Variants in NRCAM observed in about 807,000 individuals in gnomAD.
NRCAM encodes neuronal cell adhesion molecule.
A neutral mutation model predicts 156.5 loss-of-function variants in NRCAM; 83 were observed. The observed-to-expected ratio is 0.53, with a 90% CI of 0.44 to 0.64. The LOEUF (loss-of-function observed/expected upper bound fraction) is 0.64, where lower values mean the gene tolerates loss of function less well. Among genes scored for constraint, NRCAM ranks in the 30% least tolerant of loss-of-function variants. NRCAM has a pLI of 0.00. For synonymous variants in NRCAM, 538 were observed against 563.9 expected (o/e 0.95, Z 0.65); for missense variants, 1,417 against 1,597.3 (o/e 0.89, Z 1.92).
At chr7:108,165,426 T>C (rs1219675543) in intron 30 of NRCAM, among the ~76,000 whole-genome samples, 3 of 152,186 alleles carry the variant, frequency 2.0e-5, no homozygotes, top group Non-Finnish European at 4.4e-5. Context: ...TCCTGCTGTA[T>C]AGGAGAGCTG....
chr7:108,189,418 T>A, intron 20 of NRCAM, among the ~76,000 whole-genome samples: 1 of 152,200 alleles, frequency 6.6e-6, no homozygotes, highest in East Asian at 1.9e-4. Flanking sequence ...GTGTATTTGA[T>A]TAGTCAACAT....
intron 8 of NRCAM, among the ~76,000 whole-genome samples, chr7:108,229,037 A>G (rs1324375234): frequency 9.2e-5 from 14 of 152,224 alleles, no homozygotes; most frequent in Admixed American, 9.2e-4. Flanking sequence ...TTAGTAATGT[A>G]TATGTCTTGT....
In NRCAM at chr7:108,225,497, C is replaced by G. The variant is rs1006659051; in HGVS notation, c.778+148G>C. ...TGCTTCAAAGTTTATAGGTAAATTT[C>G]ATAAGAAACATACATTTATACTAGT... On this transcript the variant is annotated intron_variant, in intron 10 of 32. Coordinates refer to ENST00000379028, the MANE Select transcript of NRCAM (RefSeq NM_001037132.4). The G allele has an allele frequency of 4.5e-6, 3 of 670,910 alleles. No homozygotes were observed. In the Admixed American group the frequency reaches 6.8e-5, roughly 15 times the overall value. 41.6% of individuals were successfully genotyped at this position (670,910 alleles called of 1,614,324 possible).
At chr7:108,213,685 T>C (rs536019873) in intron 11 of NRCAM, among the ~76,000 whole-genome samples, 2 of 152,358 alleles carry the variant, frequency 1.3e-5, no homozygotes, top group East Asian at 1.9e-4. Context: ...GGACATTATA[T>C]AATGGTAAAA....
intron 3 of NRCAM, among the ~76,000 whole-genome samples, chr7:108,246,473 G>A (rs764342159): frequency 6.6e-6 from 1 of 152,120 alleles, no homozygotes; most frequent in Non-Finnish European, 1.5e-5. Flanking sequence ...AGGAACAAAA[G>A]CCAAAGGTCA....
chr7:108,406,958 T>A (rs1245313354), intron 1 of NRCAM, among the ~76,000 whole-genome samples: 1 of 152,202 alleles, frequency 6.6e-6, no homozygotes, highest in Non-Finnish European at 1.5e-5. Context: ...CATTTTTAGG[T>A]GGGGAATTTC....
At chr7:108,187,114 T>G (rs1015479158) in intron 20 of NRCAM, among the ~76,000 whole-genome samples, 2 of 152,174 alleles carry the variant, frequency 1.3e-5, no homozygotes. Flanking sequence ...ACCATGGTCT[T>G]ACCCAGTCTG....
chr7:108,392,959 G>T lies in NRCAM; in HGVS notation c.-174+6477C>A, dbSNP rs547692725. Among the ~76,000 whole-genome samples, 12 of 152,246 alleles carry T rather than the reference G, an allele frequency of 7.9e-5. No individual in the cohort carries two copies. The South Asian group carries it at 1.2e-3, about 16-fold the overall frequency. On this transcript the variant is annotated intron_variant, in intron 2 of 32. Coordinates refer to ENST00000379028, the MANE Select transcript of NRCAM (RefSeq NM_001037132.4). ...CTCAGAGGGGTACCCAGCCGTGTGG[G>T]GTGTCAGTCTGCCCCTACTTGGGGG... is the stretch of plus-strand genomic sequence containing the variant.
rs757035974 is a variant in NRCAM at position 108,240,033 on chromosome 7, C to T, written c.32G>A (p.Arg11His). Residue 11 changes from arginine to histidine, a missense_variant, in exon 4 of 33, where the codon CGC becomes CAC. By Grantham distance (29) the Arg-to-His change is conservative. Transcript: ENST00000379028. ...CAGGGGCACTCTGCCCGCAGATAAG[C>T]GCTTCTTTTTCGGCATTATTTTAAG... MQLKIMPKKK[R>H]LSAGRVPLIL... 10 of 1,613,114 alleles carry T rather than the reference C, an allele frequency of 6.2e-6. No homozygotes were observed. Among genetic ancestry groups the T allele is most frequent in the Middle Eastern group, 1.6e-4 (1 of 6,072 alleles).
intron 1 of NRCAM, among the ~76,000 whole-genome samples, chr7:108,422,390 G>A (rs1299425495): frequency 6.6e-6 from 1 of 151,894 alleles, no homozygotes; most frequent in Non-Finnish European, 1.5e-5. Context: ...AAAAAACAAT[G>A]CCAAAGAAAC....
chr7:108,209,314 GACATAACTTT>G, intron 12 of NRCAM, 97 bp downstream of exon 12: 1 of 749,482 alleles, frequency 1.3e-6, no homozygotes, highest in Non-Finnish European at 2.1e-6. Flanking sequence ...CATGAATGTT[GACATAACTTT>G]ACATTTACCA....
chr7:108,320,866 ACT>A (rs1360170438), intron 2 of NRCAM, among the ~76,000 whole-genome samples: 2 of 152,286 alleles, frequency 1.3e-5, no homozygotes, highest in South Asian at 2.1e-4. Context: ...AATAAGAAAA[ACT>A]CTATGCTTTG....
chr7:108,331,681 C>A (rs1303318831), intron 2 of NRCAM, among the ~76,000 whole-genome samples: 1 of 152,172 alleles, frequency 6.6e-6, no homozygotes, highest in Non-Finnish European at 1.5e-5. Flanking sequence ...ATAAAACAGA[C>A]ACCATCTATG....
intron 2 of NRCAM, among the ~76,000 whole-genome samples, chr7:108,365,030 T>C (rs2099583501): frequency 6.6e-6 from 1 of 152,188 alleles, no homozygotes; most frequent in African/African-American, 2.4e-5. Context: ...AGCCAGCCCC[T>C]ACATTACCCT....
At chr7:108,338,600 GA>G (rs1404906100) in intron 2 of NRCAM, among the ~76,000 whole-genome samples, 3 of 151,682 alleles carry the variant, frequency 2.0e-5, no homozygotes, top group Admixed American at 2.0e-4. Flanking sequence ...GAGACAGAGA[GA>G]GAGACAGAGA....
chr7:108,227,283 G>T (rs903384081), intron 8 of NRCAM, among the ~76,000 whole-genome samples: 2 of 152,204 alleles, frequency 1.3e-5, no homozygotes, highest in African/African-American at 4.8e-5. Flanking sequence ...CTTAGGTCCA[G>T]TTAAGGAACT....
intron 2 of NRCAM, among the ~76,000 whole-genome samples, chr7:108,362,969 A>G (rs2099569090): frequency 1.3e-5 from 2 of 152,270 alleles, no homozygotes; most frequent in Admixed American, 1.3e-4. Flanking sequence ...GGAAATGTGC[A>G]AGATGAGCCT....
At chr7:108,340,187 C>G (rs2099259720) in intron 2 of NRCAM, among the ~76,000 whole-genome samples, 1 of 152,260 alleles carries the variant, frequency 6.6e-6, no homozygotes, top group Admixed American at 6.5e-5. Context: ...CCCTTCAACC[C>G]AAATGGTCCA....
chr7:108,276,510 T>C (rs2097621589), intron 3 of NRCAM, among the ~76,000 whole-genome samples: 1 of 152,220 alleles, frequency 6.6e-6, no homozygotes, highest in Admixed American at 6.5e-5. Flanking sequence ...TCTCTTTTGA[T>C]CTTTGTTGTT....
Sources: gnomAD v4.1 joint callset for allele counts (sites outside exome capture counted in the v4.1 genomes callset) on GRCh38, gnomAD v4.1.1 for gene constraint, MANE v1.5 for transcripts, NCBI Gene and HGNC (gene_info 2026-07-23, HGNC 2026-07-21) for gene names.